CNGB1: variants seen among roughly 807,000 people sequenced by gnomAD.
CNGB1 encodes the protein cyclic nucleotide gated channel subunit beta 1.
A neutral mutation model predicts 151.7 loss-of-function variants in CNGB1; 126 were observed. That is an observed-to-expected ratio of 0.83 (90% CI 0.72 to 0.96). CNGB1 has a LOEUF of 0.96. Among genes scored for constraint, CNGB1 ranks in the 40% least tolerant of loss-of-function variants. CNGB1 has a pLI of 0.00. For synonymous variants in CNGB1, 623 were observed against 635.1 expected (o/e 0.98, Z 0.29); for missense variants, 1,698 against 1,627.0 (o/e 1.04, Z -0.75).
intron 17 of CNGB1, among the ~76,000 whole-genome samples, chr16:57,929,477 G>C (rs1055894363): frequency 1.3e-4 from 4 of 30,826 alleles, no homozygotes; most frequent in African/African-American, 4.7e-4. Context: ...GAGAGAGAGG[G>C]AGAGAGAGAG....
At position 57,958,464 on chromosome 16, in the gene CNGB1, G is replaced by T; in HGVS notation, c.783C>A (p.His261Gln). The change falls in exon 11 of 33, where the codon CAC becomes CAA. Residue 261 changes from histidine (H) to glutamine (Q), a missense_variant. His to Gln is a conservative substitution (Grantham distance 24, BLOSUM62 0). Transcript: ENST00000251102. ...DPARLVAWVL[H>Q]RLEMALPQPV... ...GCTGCGGCAAGGCCATCTCCAGCCT[G>T]TGCAGGACCCATGCCACCAGCCTGC... The T allele has an allele frequency of 2.5e-6, 4 of 1,614,188 alleles. No individual in the cohort carries two copies. The highest frequency in any genetic ancestry group is 2.5e-6 in the Non-Finnish European group (3 of 1,180,020).
intron 31 of CNGB1, among the ~76,000 whole-genome samples, chr16:57,896,834 G>T (rs1239415905): frequency 6.6e-6 from 1 of 152,008 alleles, no homozygotes; most frequent in Non-Finnish European, 1.5e-5. Context: ...AACTATCCCA[G>T]ATCAAGGAAG....
rs1357455860 is a variant in CNGB1 at position 57,883,458 on chromosome 16, C to CA, written c.*705dup. On this transcript the variant is annotated 3_prime_UTR_variant, in exon 33 of 33. Coordinates refer to ENST00000251102, the MANE Select transcript of CNGB1 (RefSeq NM_001297.5). ...GGGCTATCTTTTAGTTTTTTTGAGA[C>CA]AGGGTCTCACTGTGTCCAGCTCACT... 14 of 153,670 alleles carry CA rather than the reference C, an allele frequency of 9.1e-5. No individual in the cohort carries two copies. The highest frequency in any genetic ancestry group is 3.4e-4 in the African/African-American group (14 of 41,572). 9.5% of individuals were successfully genotyped at this position (153,670 alleles called of 1,614,324 possible).
intron 25 of CNGB1, among the ~76,000 whole-genome samples, 184 bp from the exon 26 acceptor site, chr16:57,905,059 T>C (rs1451456053): frequency 6.7e-6 from 1 of 149,612 alleles, no homozygotes; most frequent in Non-Finnish European, 1.5e-5. Context: ...GCAGAGCAGG[T>C]TCACAAATGC....
At position 57,903,880 on chromosome 16, in the gene CNGB1, G is replaced by T; in HGVS notation, c.2736C>A (p.Ser912=). The part of the protein sequence containing the change: ...KYMNFYKIPK[S]VQNRVKTWYE... ...ACCAGGTCTTGACGCGGTTCTGCAC[G>T]GACTTGGGGATCTTGTAGAAATTCA... Residue 912 remains serine, a synonymous_variant, in exon 27 of 33, where the codon TCC becomes TCA. Transcript: ENST00000251102. 5.6e-6 allele frequency: 9 copies of T among 1,614,196 alleles called. No homozygotes were observed. The highest frequency in any genetic ancestry group is 7.6e-6 in the Non-Finnish European group (9 of 1,180,036).
intron 12 of CNGB1, among the ~76,000 whole-genome samples, chr16:57,950,885 A>C (rs1961932134): frequency 6.6e-6 from 1 of 152,214 alleles, no homozygotes; most frequent in Admixed American, 6.5e-5. Flanking sequence ...CATCACAGGG[A>C]TGCCAAAAGG....
chr16:57,962,528 A>G, intron 7 of CNGB1, 37 bp downstream of exon 7: 1 of 1,600,910 alleles, frequency 6.2e-7, no homozygotes, highest in Non-Finnish European at 8.6e-7. Context: ...CCACCCACAC[A>G]TACAGACAAC....
chr16:57,915,728 G>C (rs1476997823), intron 22 of CNGB1, among the ~76,000 whole-genome samples: 1 of 151,904 alleles, frequency 6.6e-6, no homozygotes, highest in African/African-American at 2.4e-5. Flanking sequence ...GTGAAACCCT[G>C]TCTCTTCTAA....
At position 57,884,248 on chromosome 16, in the gene CNGB1, C is replaced by A; in HGVS notation, c.3672G>T (p.Arg1224Ser). The change falls in exon 33 of 33, where the codon AGG (arginine) becomes AGT (serine). Residue 1224 changes from arginine (R) to serine (S), a missense_variant. Transcript: ENST00000251102. Reference sequence around the variant, plus strand: ...GCTCCGGGCCCGGGCTCATGCAGATCCTCACCGAGTGCTCTTCGGGCTCGG... The same window carrying A: ...GCTCCGGGCCCGGGCTCATGCAGATACTCACCGAGTGCTCTTCGGGCTCGG... ...GPAEPEEHSV[R>S]ICMSPGPEPG... 6.2e-7 allele frequency: 1 copy of A among 1,613,924 alleles called. No individual in the cohort carries two copies. Among genetic ancestry groups the A allele is most frequent in the African/African-American group, 1.3e-5 (1 of 75,060 alleles).
chr16:57,944,888 A>G (rs1961763547), intron 14 of CNGB1, among the ~76,000 whole-genome samples: 1 of 147,230 alleles, frequency 6.8e-6, no homozygotes, highest in South Asian at 2.3e-4. Context: ...CAGGAGGCAG[A>G]GATTGCAGTG....
Position 57,898,001 on chromosome 16 carries a change from C to T in CNGB1, c.2977-87G>A, listed in dbSNP as rs535208312. On this transcript the variant is annotated intron_variant, in intron 29 of 32. Transcript: ENST00000251102. ...GGGCTGGATCCAGAGGCTGGAGGTC[C>T]GGCAAGGAGGAACCTAGGCACTGGG... 520 of 1,397,048 alleles carry T rather than the reference C, an allele frequency of 3.7e-4. 5 individuals are homozygous for T. The South Asian group carries it at 5.5e-3, about 15-fold the overall frequency. 86.5% of individuals were successfully genotyped at this position (1,397,048 alleles called of 1,614,324 possible). A position where few individuals can be genotyped will look rare whatever the true frequency, so the allele number is the denominator to read the frequency against.
rs1320971957 is a variant in CNGB1, at chr16:57,904,891, A to G, written c.2493-16T>C. The G allele has an allele frequency of 1.2e-6, 2 of 1,613,994 alleles. No homozygotes were observed. The highest frequency in any genetic ancestry group is 1.7e-6 in the Non-Finnish European group (2 of 1,180,028). On this transcript the variant is annotated splice_polypyrimidine_tract_variant and intron_variant, in intron 25 of 32. Coordinates refer to ENST00000251102, the MANE Select transcript of CNGB1 (RefSeq NM_001297.5). ...GCGAATATAACTGGAGAGAGAGGAG[A>G]AAGGGAACATGGGTCATCACAGGCC... is the stretch of plus-strand genomic sequence containing the variant.
chr16:57,940,084 G>A (rs1961624746), intron 15 of CNGB1, 150 bp downstream of exon 15: 2 of 781,050 alleles, frequency 2.6e-6, no homozygotes, highest in Admixed American at 2.0e-5. Flanking sequence ...GCCAAGAGGG[G>A]GCCTCGCAGG....
rs1020440223 is a variant in CNGB1, at chr16:57,954,713, A to G, written c.874+2628T>C. ...TTTACACTCTTTTAATGTTAATGAAAACATTTGTTGCTGCTCATTGGTGTC... is the reference window on the plus strand; with the variant it reads ...TTTACACTCTTTTAATGTTAATGAAGACATTTGTTGCTGCTCATTGGTGTC... On this transcript the variant is annotated intron_variant, in intron 12 of 32. Coordinates refer to ENST00000251102, the MANE Select transcript of CNGB1 (RefSeq NM_001297.5). The G allele has an allele frequency of 1.2e-5, 12 of 986,182 alleles. No individual in the cohort carries two copies. The African/African-American group carries it at 1.9e-4, about 16-fold the overall frequency. The allele number at this position is 986,182 out of a possible 1,614,324, so 61.1% of individuals were successfully genotyped here. A position where few individuals can be genotyped will look rare whatever the true frequency, so the allele number is the denominator to read the frequency against.
chr16:57,942,663 G>A (rs1961698690), intron 14 of CNGB1, among the ~76,000 whole-genome samples: 1 of 152,032 alleles, frequency 6.6e-6, no homozygotes, highest in South Asian at 2.1e-4. Flanking sequence ...GCAGGAGTTC[G>A]AGACCAGCCT....
intron 3 of CNGB1, 72 bp from the exon 4 acceptor site, chr16:57,964,274 C>G: frequency 6.5e-7 from 1 of 1,531,854 alleles, no homozygotes; most frequent in Non-Finnish European, 9.0e-7. Flanking sequence ...TTGGGGAGAT[C>G]AAGTCAGGGG....
chr16:57,956,801 C>A (rs557231287), intron 12 of CNGB1, among the ~76,000 whole-genome samples: 1 of 152,348 alleles, frequency 6.6e-6, no homozygotes, highest in South Asian at 2.1e-4. Flanking sequence ...ACAGATCCTG[C>A]CTCCAGCCCC....
intron 16 of CNGB1, among the ~76,000 whole-genome samples, chr16:57,937,756 C>T (rs912004968): frequency 2.6e-5 from 4 of 152,228 alleles, no homozygotes; most frequent in Non-Finnish European, 5.9e-5. Flanking sequence ...TCACTTCCAA[C>T]CAGAAGCAGT....
At chr16:57,934,759 C>A (rs1722917060) in intron 16 of CNGB1, among the ~76,000 whole-genome samples, 1 of 152,160 alleles carries the variant, frequency 6.6e-6, no homozygotes, top group Non-Finnish European at 1.5e-5. Context: ...GAGTTTGAGG[C>A]CAGCCTGGCC....
Sources: gnomAD v4.1 joint callset for allele counts (sites outside exome capture counted in the v4.1 genomes callset) on GRCh38, gnomAD v4.1.1 for gene constraint, MANE v1.5 for transcripts, NCBI Gene and HGNC (gene_info 2026-07-23, HGNC 2026-07-21) for gene names.